Variants in VTI1A observed in about 807,000 individuals in gnomAD.
The protein encoded by VTI1A is vesicle transport through interaction with t-SNAREs 1A.
A neutral mutation model predicts 34.9 loss-of-function variants in VTI1A; 22 were observed. The observed-to-expected ratio is 0.63, with a 90% CI of 0.45 to 0.90. The LOEUF (loss-of-function observed/expected upper bound fraction) is 0.90, where lower values mean the gene tolerates loss of function less well. Ranked by LOEUF, VTI1A falls within the 40% of genes least tolerant of loss-of-function variation. The probability of loss-of-function intolerance (pLI) is 0.00; values close to 1 mark genes in which losing one functional copy is unlikely to be tolerated. For missense variants in VTI1A, 268 were observed against 275.6 expected, an observed-to-expected ratio of 0.97 and a Z score of 0.20; for synonymous variants, 87 against 97.3, an observed-to-expected ratio of 0.89 and a Z score of 0.62.
At chr10:112,693,312 C>T (rs981365311) in intron 7 of VTI1A, among the ~76,000 whole-genome samples, 2 of 152,050 alleles carry the variant, frequency 1.3e-5, no homozygotes, top group Non-Finnish European at 2.9e-5. Flanking sequence ...TTTGGGAGCC[C>T]GAGGCAGGCA....
Position 112,464,653 on chromosome 10 carries a change from A to G in VTI1A, c.260A>G (p.Asp87Gly), listed in dbSNP as rs1430878770. ...CAAGAAATGGGAAAACTCGAAACAGATTTTGTGAGTCAAATTCGACCCTTT... is the reference window on the plus strand; with the variant it reads ...CAAGAAATGGGAAAACTCGAAACAGGTTTTGTGAGTCAAATTCGACCCTTT... ...YKQEMGKLET[D>G]FKRSRIAYSD... Residue 87 changes from aspartate (D) to glycine (G), a missense_variant, in exon 3 of 8, where the codon GAT (aspartate) becomes GGT (glycine). Physicochemically the swap from Asp to Gly is moderately conservative, Grantham distance 94. Coordinates refer to ENST00000393077, the MANE Select transcript of VTI1A (RefSeq NM_145206.4). 1 of 1,610,146 alleles carries G rather than the reference A, an allele frequency of 6.2e-7. No homozygotes were observed. The highest frequency in any genetic ancestry group is 8.5e-7 in the Non-Finnish European group (1 of 1,177,804).
chr10:112,737,926 T>C, intron 7 of VTI1A: 1 of 1,062,766 alleles, frequency 9.4e-7, no homozygotes, highest in Non-Finnish European at 1.1e-6. Flanking sequence ...GATGGAGGTA[T>C]GTCCCCTCTA....
chr10:112,731,659 C>G lies in VTI1A; in HGVS notation c.560+62661C>G, dbSNP rs181610610. On this transcript the variant is annotated intron_variant, in intron 7 of 7. Coordinates refer to ENST00000393077, the MANE Select transcript of VTI1A (RefSeq NM_145206.4). The stretch of plus-strand genomic sequence containing the variant: ...TTACTCAGTTAAGTATATGACATCA[C>G]CAATATTTTTAATATTGCATAGAAT... Among the ~76,000 whole-genome samples the G allele has an allele frequency of 2.0e-5, 3 of 151,522 alleles. No individual in the cohort carries two copies. The East Asian group carries it at 5.8e-4, about 29-fold the overall frequency.
intron 7 of VTI1A, among the ~76,000 whole-genome samples, chr10:112,691,310 A>C (rs1848608222): frequency 7.5e-6 from 1 of 133,004 alleles, no homozygotes; most frequent in African/African-American, 2.7e-5. Context: ...AATAAATGAA[A>C]GTTCCACAGA....
chr10:112,747,290 T>C (rs898645205), intron 7 of VTI1A, among the ~76,000 whole-genome samples: 2 of 152,240 alleles, frequency 1.3e-5, no homozygotes, highest in Non-Finnish European at 2.9e-5. Flanking sequence ...TAGCATGCAT[T>C]GCTTGATGAC....
At chr10:112,791,147 T>TG (rs1197249828) in intron 7 of VTI1A, among the ~76,000 whole-genome samples, 2 of 152,222 alleles carry the variant, frequency 1.3e-5, no homozygotes, top group East Asian at 3.9e-4. Flanking sequence ...AGGCAACAGG[T>TG]GGGACCTGTT....
chr10:112,662,248 CG>C (rs1847488025), intron 5 of VTI1A, among the ~76,000 whole-genome samples: 1 of 152,010 alleles, frequency 6.6e-6, no homozygotes, highest in Admixed American at 6.6e-5. Flanking sequence ...TTATTCATAC[CG>C]TTTTTTTGTC....
At chr10:112,518,428 G>T (rs776141485) in intron 3 of VTI1A, among the ~76,000 whole-genome samples, 3 of 151,670 alleles carry the variant, frequency 2.0e-5, no homozygotes, top group African/African-American at 7.3e-5. Context: ...TGAAATAACT[G>T]CCAGGTGCTG....
chr10:112,548,642 G>T, intron 5 of VTI1A: 1 of 1,074,886 alleles, frequency 9.3e-7, no homozygotes, highest in Non-Finnish European at 1.4e-6. Context: ...AGCCTTCTGA[G>T]CTTTCTGGGA....
chr10:112,471,031 C>G (rs1381116918), intron 3 of VTI1A, among the ~76,000 whole-genome samples: 2 of 152,126 alleles, frequency 1.3e-5, no homozygotes, highest in African/African-American at 4.8e-5. Flanking sequence ...GTTTACTTAA[C>G]TAATATTGAT....
chr10:112,731,066 G>T (rs960064970), intron 7 of VTI1A, among the ~76,000 whole-genome samples: 5 of 152,072 alleles, frequency 3.3e-5, no homozygotes, highest in African/African-American at 1.2e-4. Flanking sequence ...CTTCTTTGTT[G>T]CATTCTGGGT....
intron 3 of VTI1A, among the ~76,000 whole-genome samples, chr10:112,502,096 C>T (rs1256884588): frequency 6.0e-5 from 9 of 149,056 alleles, no homozygotes; most frequent in East Asian, 4.0e-4. Flanking sequence ...GGCATGGTCA[C>T]GGCTCACTGC....
At chr10:112,752,860 G>C (rs970605685) in intron 7 of VTI1A, among the ~76,000 whole-genome samples, 1 of 151,966 alleles carries the variant, frequency 6.6e-6, no homozygotes, top group African/African-American at 2.4e-5. Context: ...CTTATTTTTG[G>C]TACTTCAGCT....
chr10:112,763,369 G>T (rs1851540605), intron 7 of VTI1A, among the ~76,000 whole-genome samples: 1 of 150,962 alleles, frequency 6.6e-6, no homozygotes. Flanking sequence ...AACCCGGGAG[G>T]CAGAGCTTGC....
chr10:112,843,893 A>G, the VTI1A span, among the ~76,000 whole-genome samples: 1 of 151,750 alleles, frequency 6.6e-6, no homozygotes, highest in African/African-American at 2.4e-5. Flanking sequence ...CCCCATCTCC[A>G]GTTAATTACT....
In VTI1A at chr10:112,618,524, T is replaced by TAGAGAG. The variant is rs6144094; in HGVS notation, c.428-49675_428-49670dup. 8.6e-3 allele frequency among the ~76,000 whole-genome samples: 297 copies of TAGAGAG among 34,566 alleles called. 11 individuals carry two copies. The highest frequency in any genetic ancestry group is 0.02 in the East Asian group (14 of 704). The allele number at this position is 34,566 out of a possible 152,430, so 22.7% of individuals were successfully genotyped here. A position where few individuals can be genotyped will look rare whatever the true frequency, so the allele number is the denominator to read the frequency against. ...ATATATATATATATATATATATATA[T>TAGAGAG]AGAGAGAGAGAGAGAGAGAGAGAGT... On this transcript the variant is annotated intron_variant, in intron 5 of 7. Coordinates refer to ENST00000393077, the MANE Select transcript of VTI1A (RefSeq NM_145206.4).
intron 7 of VTI1A, among the ~76,000 whole-genome samples, chr10:112,804,453 T>A (rs1852994026): frequency 6.6e-6 from 1 of 152,246 alleles, no homozygotes; most frequent in Admixed American, 6.5e-5. Flanking sequence ...TGCACACATG[T>A]AAAGAGCTTT....
chr10:112,778,708 T>C (rs1230360278), intron 7 of VTI1A, among the ~76,000 whole-genome samples: 1 of 152,170 alleles, frequency 6.6e-6, no homozygotes, highest in Non-Finnish European at 1.5e-5. Flanking sequence ...AAAAATTTTT[T>C]TTTTAGTTTA....
At chr10:112,690,257 C>T (rs1848568713) in intron 7 of VTI1A, among the ~76,000 whole-genome samples, 1 of 152,100 alleles carries the variant, frequency 6.6e-6, no homozygotes, top group Non-Finnish European at 1.5e-5. Flanking sequence ...CATAGGTTTT[C>T]GTTTCTCTTG....
Sources: gnomAD v4.1 joint callset for allele counts (sites outside exome capture counted in the v4.1 genomes callset) on GRCh38, gnomAD v4.1.1 for gene constraint, MANE v1.5 for transcripts, NCBI Gene and HGNC (gene_info 2026-07-23, HGNC 2026-07-21) for gene names.